Variants in TENM3 observed in about 807,000 individuals in gnomAD.
The protein encoded by TENM3 is teneurin transmembrane protein 3.
A neutral mutation model predicts 255.1 loss-of-function variants in TENM3; 63 were observed. The observed-to-expected ratio is 0.25, with a 90% CI of 0.20 to 0.30. TENM3 has a LOEUF of 0.30. Among genes scored for constraint, TENM3 ranks in the 10% least tolerant of loss-of-function variants. The probability of loss-of-function intolerance (pLI) is 1.00; values close to 1 mark genes in which losing one functional copy is unlikely to be tolerated. For synonymous variants in TENM3, 1,306 were observed against 1,322.3 expected, an observed-to-expected ratio of 0.99 and a Z score of 0.27; for missense variants, 2,929 against 3,461.1, an observed-to-expected ratio of 0.85 and a Z score of 3.86.
At chr4:182,026,379 A>G in the TENM3 span, among the ~76,000 whole-genome samples, 1 of 152,180 alleles carries the variant, frequency 6.6e-6, no homozygotes. Flanking sequence ...TCAGATGAGT[A>G]GTTTACTAAT....
intron 3 of TENM3, among the ~76,000 whole-genome samples, chr4:182,516,004 G>A (rs1737903583): frequency 6.6e-6 from 1 of 152,180 alleles, no homozygotes; most frequent in Non-Finnish European, 1.5e-5. Context: ...GTTTATTGTT[G>A]AGTCCAGGAG....
intron 1 of TENM3, among the ~76,000 whole-genome samples, chr4:182,152,025 C>T (rs1294305444): frequency 6.6e-6 from 1 of 151,900 alleles, no homozygotes; most frequent in Non-Finnish European, 1.5e-5. Flanking sequence ...CAAGTTGACA[C>T]AATGAAAATA....
At chr4:182,369,304 G>C (rs1335902395) in intron 3 of TENM3, among the ~76,000 whole-genome samples, 1 of 152,134 alleles carries the variant, frequency 6.6e-6, no homozygotes, top group South Asian at 2.1e-4. Context: ...GAAAACTAAG[G>C]CTTAGAAAGA....
At chr4:181,655,194 T>A in the TENM3 span, among the ~76,000 whole-genome samples, 12 of 151,912 alleles carry the variant, frequency 7.9e-5, no homozygotes, top group South Asian at 2.1e-4. Context: ...AATTTAGGAG[T>A]CGTTTCAGAG....
the TENM3 span, among the ~76,000 whole-genome samples, chr4:181,957,004 A>T: frequency 6.6e-6 from 1 of 152,190 alleles, no homozygotes; most frequent in African/African-American, 2.4e-5. Context: ...TCTGTAAATT[A>T]TTCTCACTAA....
chr4:181,712,337 T>G, the TENM3 span, among the ~76,000 whole-genome samples: 6 of 152,044 alleles, frequency 3.9e-5, no homozygotes, highest in African/African-American at 1.4e-4. Flanking sequence ...ATCCCCTTGG[T>G]GTTGTTTTTG....
chr4:181,836,602 C>G, the TENM3 span, among the ~76,000 whole-genome samples: 2 of 152,096 alleles, frequency 1.3e-5, no homozygotes, highest in African/African-American at 4.8e-5. Flanking sequence ...GCTACACATG[C>G]GTAACTCAGT....
chr4:182,402,494 C>T (rs572014019), intron 3 of TENM3, among the ~76,000 whole-genome samples: 65 of 152,166 alleles, frequency 4.3e-4, no homozygotes, highest in Non-Finnish European at 8.1e-4. Flanking sequence ...CCAACGTAGA[C>T]GTAGCCAGCC....
Position 182,628,537 on chromosome 4 carries a change from T to A in TENM3, c.750-114T>A. ...GTTTTAGGTTATATAGGATAAATTC[T>A]TTTAAAAAAGAGAGAGAGAGCAAAA... On this transcript the variant is annotated intron_variant, in intron 4 of 27. Coordinates refer to ENST00000511685, the MANE Select transcript of TENM3 (RefSeq NM_001080477.4). 4.4e-6 allele frequency: 3 copies of A among 675,700 alleles called. No homozygotes were observed. In the South Asian group the frequency reaches 5.8e-5, roughly 13 times the overall value. The allele number at this position is 675,700 out of a possible 1,614,324, so 41.9% of individuals were successfully genotyped here.
chr4:181,684,067 C>A, the TENM3 span, among the ~76,000 whole-genome samples: 4 of 152,154 alleles, frequency 2.6e-5, no homozygotes, highest in African/African-American at 9.7e-5. Flanking sequence ...TCACTTGAGG[C>A]AGTTTTTAGC....
chr4:182,764,194 A>G (rs761618479), intron 22 of TENM3, among the ~76,000 whole-genome samples: 61 of 152,262 alleles, frequency 4.0e-4, no homozygotes, highest in Non-Finnish European at 7.2e-4. Flanking sequence ...TTAGGTTTTG[A>G]TAAGGTGGGA....
chr4:182,280,793 A>G (rs146898861), intron 1 of TENM3, among the ~76,000 whole-genome samples: 3 of 152,342 alleles, frequency 2.0e-5, no homozygotes, highest in Non-Finnish European at 4.4e-5. Flanking sequence ...TGTTAAGCCA[A>G]CTTTGGAAAT....
chr4:181,517,959 A>G, the TENM3 span, among the ~76,000 whole-genome samples: 17 of 152,248 alleles, frequency 1.1e-4, no homozygotes, highest in South Asian at 3.3e-3. Flanking sequence ...TATCCACCAC[A>G]TCCAAGCAAA....
At chr4:181,886,048 GTTTTT>G in the TENM3 span, among the ~76,000 whole-genome samples, 3 of 102,540 alleles carry the variant, frequency 2.9e-5, no homozygotes, top group Non-Finnish European at 5.9e-5. Context: ...TTTTTCTTGG[GTTTTT>G]TTTTTTTTTT....
intron 12 of TENM3, among the ~76,000 whole-genome samples, chr4:182,703,491 G>T (rs7692395): frequency 0.78 from 118,686 of 152,088 alleles, 46,649 homozygotes; most frequent in East Asian, 0.89. Flanking sequence ...TTAGCCAATG[G>T]AAAACTCTCA....
At chr4:182,379,368 AG>A (rs941313712) in intron 3 of TENM3, among the ~76,000 whole-genome samples, 3 of 152,168 alleles carry the variant, frequency 2.0e-5, no homozygotes, top group Non-Finnish European at 4.4e-5. Flanking sequence ...GAAAGAAAAA[AG>A]GGTATTGCAA....
chr4:182,413,088 A>G (rs906246790), intron 3 of TENM3, among the ~76,000 whole-genome samples: 4 of 152,042 alleles, frequency 2.6e-5, no homozygotes, highest in African/African-American at 9.7e-5. Flanking sequence ...AAAAGATTGA[A>G]AAAATGAGAG....
the TENM3 span, among the ~76,000 whole-genome samples, chr4:181,543,360 GAGT>G: frequency 3.9e-5 from 6 of 152,140 alleles, no homozygotes; most frequent in Non-Finnish European, 8.8e-5. Flanking sequence ...GGAGGAGGAG[GAGT>G]AGGAGGAGAA....
At chr4:181,713,375 A>G in the TENM3 span, among the ~76,000 whole-genome samples, 1,311 of 152,266 alleles carry the variant, frequency 8.6e-3, 8 homozygotes, top group Non-Finnish European at 0.014. Context: ...ACAAAGATAT[A>G]TGATTTCTGA....
Sources: allele counts gnomAD v4.1 joint callset (sites outside exome capture counted in the v4.1 genomes callset), GRCh38; gene constraint gnomAD v4.1.1; transcripts MANE v1.5; gene names NCBI Gene and HGNC (gene_info 2026-07-23, HGNC 2026-07-21).